Variants in FSTL5 observed in about 807,000 individuals in gnomAD.
FSTL5 encodes follistatin-related protein 5.
FSTL5 carries 62 observed loss-of-function variants against 89.1 expected under a neutral mutation model. That is an observed-to-expected ratio of 0.70 (90% CI 0.57 to 0.86). The LOEUF (loss-of-function observed/expected upper bound fraction) is 0.86, where lower values mean the gene tolerates loss of function less well. Ranked by LOEUF, FSTL5 falls within the 40% of genes least tolerant of loss-of-function variation. The probability of loss-of-function intolerance (pLI) is 0.00; values close to 1 mark genes in which losing one functional copy is unlikely to be tolerated. For missense variants in FSTL5, 1,057 were observed against 1,001.6 expected, an observed-to-expected ratio of 1.06 and a Z score of -0.75; for synonymous variants, 383 against 346.2, an observed-to-expected ratio of 1.11 and a Z score of -1.18.
intron 15 of FSTL5, among the ~76,000 whole-genome samples, chr4:161,432,489 C>G (rs1194211160): frequency 1.3e-5 from 2 of 151,666 alleles, no homozygotes; most frequent in Non-Finnish European, 2.9e-5. Flanking sequence ...GCACCTATAC[C>G]AAAAAGGTAG....
intron 3 of FSTL5, among the ~76,000 whole-genome samples, chr4:161,953,510 C>T (rs1734953397): frequency 6.6e-6 from 1 of 151,578 alleles, no homozygotes; most frequent in Non-Finnish European, 1.5e-5. Context: ...GAGATTGCTA[C>T]TTTATAGGTT....
chr4:161,508,529 A>G (rs1430310102), intron 11 of FSTL5, among the ~76,000 whole-genome samples: 1 of 152,190 alleles, frequency 6.6e-6, no homozygotes, highest in Admixed American at 6.5e-5. Context: ...GAGAATAATT[A>G]CTGAGGGTAT....
intron 4 of FSTL5, among the ~76,000 whole-genome samples, chr4:161,827,282 C>A (rs1418025138): frequency 1.3e-5 from 2 of 152,200 alleles, no homozygotes; most frequent in African/African-American, 4.8e-5. Context: ...GGAGTGCCTG[C>A]ACAGTTCTGT....
intron 2 of FSTL5, among the ~76,000 whole-genome samples, chr4:162,080,032 C>T (rs1462279546): frequency 6.6e-6 from 1 of 151,440 alleles, no homozygotes. Flanking sequence ...ATGATACCAA[C>T]TTCAATCAGG....
intron 15 of FSTL5, among the ~76,000 whole-genome samples, chr4:161,420,670 A>G (rs1357126841): frequency 1.3e-5 from 2 of 151,560 alleles, no homozygotes; most frequent in Non-Finnish European, 2.9e-5. Flanking sequence ...AATATTATTT[A>G]TATGGCATAT....
At chr4:161,624,225 C>G (rs1735234830) in intron 7 of FSTL5, among the ~76,000 whole-genome samples, 1 of 151,890 alleles carries the variant, frequency 6.6e-6, no homozygotes, top group South Asian at 2.1e-4. Flanking sequence ...ACCTAACATC[C>G]CTTTATTATT....
At chr4:161,439,545 A>T (rs946762793) in intron 15 of FSTL5, among the ~76,000 whole-genome samples, 2 of 152,240 alleles carry the variant, frequency 1.3e-5, no homozygotes, top group African/African-American at 4.8e-5. Flanking sequence ...AATGGGCTAA[A>T]ATATGCAAAG....
rs1391047865 is a variant in FSTL5, at chr4:161,581,792, G to T, written c.1015+5663C>A. 3.9e-5 allele frequency among the ~76,000 whole-genome samples: 6 copies of T among 152,314 alleles called. No homozygotes were observed. The East Asian group carries it at 1.2e-3, about 29-fold the overall frequency. On this transcript the variant is annotated intron_variant, in intron 8 of 15. Coordinates refer to ENST00000306100, the MANE Select transcript of FSTL5 (RefSeq NM_020116.5). ...CATCCGCACAATATTATGTATGAGG[G>T]CTTAAATAATTTGAATGGGAGAGAA... is the stretch of plus-strand genomic sequence containing the variant.
At chr4:161,454,768 A>C (rs2126400231) in intron 15 of FSTL5, among the ~76,000 whole-genome samples, 1 of 152,342 alleles carries the variant, frequency 6.6e-6, no homozygotes, top group East Asian at 1.9e-4. Flanking sequence ...TTTTAAAAAT[A>C]AAACTGTATT....
chr4:161,691,042 C>T (rs1737924438), intron 6 of FSTL5, among the ~76,000 whole-genome samples: 1 of 152,112 alleles, frequency 6.6e-6, no homozygotes, highest in South Asian at 2.1e-4. Context: ...TTTCTTTACC[C>T]AGTCTATCAA....
intron 13 of FSTL5, among the ~76,000 whole-genome samples, chr4:161,469,454 G>C (rs184191436): frequency 6.6e-6 from 1 of 151,898 alleles, no homozygotes; most frequent in African/African-American, 2.4e-5. Context: ...CTCCAACCCC[G>C]TGCCAAAACT....
intron 8 of FSTL5, among the ~76,000 whole-genome samples, chr4:161,555,293 T>C (rs1396173548): frequency 1.3e-5 from 2 of 151,518 alleles, no homozygotes; most frequent in East Asian, 1.9e-4. Context: ...TAATCCTCAA[T>C]TTCAAAGTCT....
Position 161,909,137 on chromosome 4 carries a change from T to G in FSTL5, c.409+11267A>C, listed in dbSNP as rs575762992. 2.0e-5 allele frequency among the ~76,000 whole-genome samples: 3 copies of G among 152,210 alleles called. No individual in the cohort carries two copies. In the South Asian group the frequency reaches 6.2e-4, roughly 32 times the overall value. On this transcript the variant is annotated intron_variant, in intron 4 of 15. Coordinates refer to ENST00000306100, the MANE Select transcript of FSTL5 (RefSeq NM_020116.5). Reference sequence around the variant, plus strand: ...TGAATGCCAGCATTAAGAAGTTATCTCAAAAATATGTCATAAAATTTCCAG... The same window carrying G: ...TGAATGCCAGCATTAAGAAGTTATCGCAAAAATATGTCATAAAATTTCCAG...
In FSTL5 at chr4:161,556,435, T is replaced by G. The variant is rs1026857822; in HGVS notation, c.1016-13742A>C. 5.9e-5 allele frequency among the ~76,000 whole-genome samples: 9 copies of G among 151,576 alleles called. No individual in the cohort carries two copies. In the South Asian group the frequency reaches 1.2e-3, roughly 21 times the overall value. On this transcript the variant is annotated intron_variant, in intron 8 of 15. Transcript: ENST00000306100. ...TTTAACAACATGTAAGACTATAAAA[T>G]ATAACATGTCTTGCATCAGACAGGA...
chr4:161,451,036 G>A (rs1733145931), intron 15 of FSTL5, among the ~76,000 whole-genome samples: 1 of 152,098 alleles, frequency 6.6e-6, no homozygotes, highest in South Asian at 2.1e-4. Flanking sequence ...GAGCCACTGA[G>A]CCCGGCCCAT....
At chr4:161,543,117 T>C (rs1490139715) in intron 8 of FSTL5, among the ~76,000 whole-genome samples, 2 of 151,908 alleles carry the variant, frequency 1.3e-5, no homozygotes, top group African/African-American at 4.8e-5. Context: ...AATGAGTATA[T>C]AATGGAAGGA....
chr4:161,562,645 G>A (rs149059816), intron 8 of FSTL5, among the ~76,000 whole-genome samples: 116 of 151,628 alleles, frequency 7.7e-4, no homozygotes, highest in African/African-American at 2.7e-3. Flanking sequence ...GTCATTGCTA[G>A]TGTATGCAGA....
chr4:161,745,897 C>T (rs1308065187), intron 6 of FSTL5, among the ~76,000 whole-genome samples: 1 of 151,938 alleles, frequency 6.6e-6, no homozygotes, highest in African/African-American at 2.4e-5. Flanking sequence ...ACTACAGGCT[C>T]GAATATTTAG....
chr4:161,908,641 G>A (rs1733604777), intron 4 of FSTL5, among the ~76,000 whole-genome samples: 1 of 151,952 alleles, frequency 6.6e-6, no homozygotes, highest in Non-Finnish European at 1.5e-5. Context: ...TTCCATGATT[G>A]GAAGCCTGAT....
Sources: gnomAD v4.1 joint callset for allele counts (sites outside exome capture counted in the v4.1 genomes callset) on GRCh38, gnomAD v4.1.1 for gene constraint, MANE v1.5 for transcripts, NCBI Gene and HGNC (gene_info 2026-07-23, HGNC 2026-07-21) for gene names.